GRM7: variants seen among roughly 807,000 people sequenced by gnomAD.
GRM7 encodes the protein metabotropic glutamate receptor 7.
A neutral mutation model predicts 84.5 loss-of-function variants in GRM7; 35 were observed. That is an observed-to-expected ratio of 0.41 (90% confidence interval 0.32 to 0.55). GRM7 has a LOEUF of 0.55. Ranked by LOEUF, GRM7 falls within the 20% of genes least tolerant of loss-of-function variation. The pLI, the probability that GRM7 is intolerant of heterozygous loss-of-function variation, is 0.19. For missense variants in GRM7, 1,003 were observed against 1,194.6 expected (o/e 0.84, Z 2.36); for synonymous variants, 487 against 455.1 (o/e 1.07, Z -0.89).
intron 4 of GRM7, among the ~76,000 whole-genome samples, chr3:7,388,998 C>G (rs1694890675): frequency 6.6e-6 from 1 of 152,006 alleles, no homozygotes; most frequent in Non-Finnish European, 1.5e-5. Flanking sequence ...TTTCTATATT[C>G]TTAATGTAGG....
At chr3:7,537,764 T>G (rs1692632970) in intron 7 of GRM7, among the ~76,000 whole-genome samples, 1 of 152,196 alleles carries the variant, frequency 6.6e-6, no homozygotes, top group Non-Finnish European at 1.5e-5. Context: ...GAACTGAGTG[T>G]TTTAGTGTAG....
At chr3:6,905,267 G>A (rs1170167130) in intron 1 of GRM7, among the ~76,000 whole-genome samples, 1 of 152,092 alleles carries the variant, frequency 6.6e-6, no homozygotes, top group Non-Finnish European at 1.5e-5. Flanking sequence ...TTACTCATGT[G>A]TCCTTTCATA....
At chr3:7,454,090 A>ACACTCTCTCTCT (rs1365192243) in intron 6 of GRM7, among the ~76,000 whole-genome samples, 3,741 of 139,822 alleles carry the variant, frequency 0.027, 61 homozygotes, top group East Asian at 0.046. Flanking sequence ...CTACACACAC[A>ACACTCTCTCTCT]CTCTCTCTCT....
In GRM7 at chr3:7,728,827, T is replaced by C. The variant is rs181906190; in HGVS notation, c.2699-11530T>C. Among the ~76,000 whole-genome samples the C allele has an allele frequency of 2.7e-3, 414 of 152,304 alleles. 1 individual carries two copies. Among genetic ancestry groups the C allele is most frequent in the Non-Finnish European group, 5.1e-3 (345 of 68,024 alleles). On this transcript the variant is annotated intron_variant, in intron 9 of 9. Coordinates refer to ENST00000357716, the MANE Select transcript of GRM7 (RefSeq NM_000844.4). ...AGAACTGGTCTGCCACACCACATGG[T>C]GTTGGTGAAAGCAGCGGCATCTCTA...
At chr3:7,331,306 G>C (rs900614996) in intron 4 of GRM7, among the ~76,000 whole-genome samples, 1 of 152,180 alleles carries the variant, frequency 6.6e-6, no homozygotes, top group East Asian at 1.9e-4. Flanking sequence ...GATCAAAAGA[G>C]TGTCATGATG....
chr3:7,284,285 CGTGT>C lies in GRM7; in HGVS notation c.737-14374_737-14371del, dbSNP rs138776968. The stretch of plus-strand genomic sequence containing the variant: ...GGTGTGTGGGGTGTGCATGCTCACT[CGTGT>C]GTGTGTGTGTGTGTGTGTGTGTGTA... On this transcript the variant is annotated intron_variant, in intron 2 of 9. Coordinates refer to ENST00000357716, the MANE Select transcript of GRM7 (RefSeq NM_000844.4). Among the ~76,000 whole-genome samples, 36 of 131,130 alleles carry C rather than the reference CGTGT, an allele frequency of 2.7e-4. No homozygotes were observed. In the South Asian group the frequency reaches 4.3e-3, roughly 16 times the overall value. The allele number at this position is 131,130 out of a possible 152,430, so 86.0% of individuals were successfully genotyped here.
rs1050423217 is a variant in GRM7, at chr3:7,051,723, TA to T, written c.520-94725del. ...AGAGATCTAAATGAAGTCAGCAACCTAAAATGCCTTTTAAAGTGCAAAAGAT... is the reference window on the plus strand; with the variant it reads ...AGAGATCTAAATGAAGTCAGCAACCTAAATGCCTTTTAAAGTGCAAAAGAT... On this transcript the variant is annotated intron_variant, in intron 1 of 9. Coordinates refer to ENST00000357716, the MANE Select transcript of GRM7 (RefSeq NM_000844.4). Among the ~76,000 whole-genome samples the T allele has an allele frequency of 3.3e-5, 5 of 151,764 alleles. No individual in the cohort carries two copies. In the East Asian group the frequency reaches 9.7e-4, roughly 29 times the overall value.
intron 4 of GRM7, among the ~76,000 whole-genome samples, chr3:7,336,844 G>A (rs1471507258): frequency 1.3e-5 from 2 of 151,396 alleles, no homozygotes; most frequent in African/African-American, 2.4e-5. Context: ...CCAAGGAGGC[G>A]AAAGATCTCT....
At chr3:6,998,260 A>G (rs374176954) in intron 1 of GRM7, among the ~76,000 whole-genome samples, 19 of 152,276 alleles carry the variant, frequency 1.2e-4, no homozygotes, top group African/African-American at 3.6e-4. Flanking sequence ...TGGAAATCCA[A>G]TAGGGCAGTA....
chr3:7,144,743 T>C (rs1694054349), intron 1 of GRM7, among the ~76,000 whole-genome samples: 3 of 152,178 alleles, frequency 2.0e-5, no homozygotes, highest in Admixed American at 6.5e-5. Context: ...CAAACAGAAA[T>C]GCCAGACTCT....
At chr3:7,016,773 C>G (rs1282527237) in intron 1 of GRM7, among the ~76,000 whole-genome samples, 1 of 152,080 alleles carries the variant, frequency 6.6e-6, no homozygotes, top group Non-Finnish European at 1.5e-5. Context: ...CATTTTAATC[C>G]TCATGATTGC....
chr3:7,437,714 G>A (rs535138533), intron 5 of GRM7, among the ~76,000 whole-genome samples: 96 of 150,342 alleles, frequency 6.4e-4, no homozygotes, highest in South Asian at 2.1e-3. Context: ...CTTTCTCTTC[G>A]TGTGTTCCCC....
At chr3:7,362,204 T>C (rs1304515087) in intron 4 of GRM7, among the ~76,000 whole-genome samples, 1 of 152,046 alleles carries the variant, frequency 6.6e-6, no homozygotes, top group Non-Finnish European at 1.5e-5. Flanking sequence ...TTAATGTACA[T>C]GGGAACATGG....
intron 1 of GRM7, among the ~76,000 whole-genome samples, chr3:7,113,096 T>G (rs1465371269): frequency 6.6e-6 from 1 of 152,154 alleles, no homozygotes; most frequent in African/African-American, 2.4e-5. Context: ...CCTGATGAAC[T>G]TTTAGTAATA....
intron 8 of GRM7, among the ~76,000 whole-genome samples, chr3:7,615,938 TATAAGTGTA>T (rs1553625316): frequency 2.0e-5 from 3 of 151,990 alleles, no homozygotes; most frequent in Non-Finnish European, 4.4e-5. Flanking sequence ...CTTGAATACT[TATAAGTGTA>T]TTACATATAT....
intron 1 of GRM7, among the ~76,000 whole-genome samples, chr3:6,911,623 A>G (rs767424794): frequency 6.6e-6 from 1 of 152,172 alleles, no homozygotes; most frequent in African/African-American, 2.4e-5. Flanking sequence ...AGGGAAAGTA[A>G]CCAAATAACC....
chr3:7,462,513 T>C (rs909557671), intron 7 of GRM7, among the ~76,000 whole-genome samples: 7 of 152,384 alleles, frequency 4.6e-5, no homozygotes, highest in Admixed American at 3.9e-4. Flanking sequence ...AAAAATCCTT[T>C]AATGTCCTTT....
chr3:6,921,728 A>G (rs982735664), intron 1 of GRM7, among the ~76,000 whole-genome samples: 6 of 152,164 alleles, frequency 3.9e-5, no homozygotes, highest in Admixed American at 1.3e-4. Context: ...ATCTGTGTAC[A>G]AGAAACCATA....
At chr3:7,435,511 A>AT (rs1697007891) in intron 5 of GRM7, among the ~76,000 whole-genome samples, 1 of 151,390 alleles carries the variant, frequency 6.6e-6, no homozygotes, top group Non-Finnish European at 1.5e-5. Context: ...AGATTTATCA[A>AT]TTTTTTGTTT....
Sources: gnomAD v4.1 joint callset for allele counts (sites outside exome capture counted in the v4.1 genomes callset) on GRCh38, gnomAD v4.1.1 for gene constraint, MANE v1.5 for transcripts, NCBI Gene and HGNC (gene_info 2026-07-23, HGNC 2026-07-21) for gene names.